Variants in PCNT observed in about 807,000 individuals in gnomAD.
PCNT encodes pericentrin, also known as kendrin.
Under a neutral mutation model 380.4 loss-of-function variants are expected in PCNT, and 319 were observed. The ratio of observed to expected loss-of-function variants is 0.84; its 90% CI spans 0.77 to 0.92. The LOEUF (loss-of-function observed/expected upper bound fraction) is 0.92. PCNT is among the 40% of genes least tolerant of loss of function. PCNT has a pLI of 0.00. For synonymous variants in PCNT, 1,845 were observed against 1,735.2 expected (o/e 1.06, Z -1.57); for missense variants, 4,400 against 4,255.3 (o/e 1.03, Z -0.95).
intron 14 of PCNT, among the ~76,000 whole-genome samples, chr21:46,365,320 G>C (rs2084864825): frequency 1.0e-5 from 1 of 98,800 alleles, no homozygotes; most frequent in African/African-American, 3.2e-5. Flanking sequence ...CACTGCCATG[G>C]GGTTCTATTC....
chr21:46,371,012 G>C (rs1045608212), intron 15 of PCNT, among the ~76,000 whole-genome samples: 2 of 152,026 alleles, frequency 1.3e-5, no homozygotes, highest in African/African-American at 4.8e-5. Context: ...TCCAGCCTGG[G>C]CGACAGAGCG....
rs758927283 is a variant in PCNT at position 46,431,769 on chromosome 21, G to A, written c.8305G>A (p.Glu2769Lys). Residue 2769 changes from glutamate to lysine, a missense_variant, in exon 38 of 47, where the codon GAG becomes AAG. Transcript: ENST00000359568. The part of the protein sequence containing the change: ...EALRHERLLT[E>K]QLSQRTQEAC... ...CTTGCGGCACGAGCGGCTCCTGACC[G>A]AGCAGCTGAGCCAGAGGACACAGGA... 15 of 1,612,710 alleles carry A rather than the reference G, an allele frequency of 9.3e-6. No homozygotes were observed. Among genetic ancestry groups the A allele is most frequent in the Non-Finnish European group, 7.6e-6 (9 of 1,179,990 alleles).
intron 27 of PCNT, among the ~76,000 whole-genome samples, chr21:46,410,543 T>TA (rs1602001682): frequency 6.6e-6 from 1 of 152,260 alleles, no homozygotes; most frequent in African/African-American, 2.4e-5. Flanking sequence ...ATTTTCCACT[T>TA]ACTGTTTTTA....
chr21:46,344,375 G>A (rs566490172), intron 3 of PCNT, among the ~76,000 whole-genome samples: 3 of 152,072 alleles, frequency 2.0e-5, no homozygotes, highest in Non-Finnish European at 2.9e-5. Context: ...CGCCCGGCCC[G>A]AGCTCCTGAC....
chr21:46,434,316 C>T (rs2839258), intron 38 of PCNT, among the ~76,000 whole-genome samples: 55,316 of 152,108 alleles, frequency 0.36, 10,706 homozygotes, highest in Middle Eastern at 0.5. Context: ...AGGGTAGAGT[C>T]TGAGCTGCAC....
chr21:46,399,785 G>A lies in PCNT; in HGVS notation c.4780G>A (p.Gly1594Arg), dbSNP rs763593028. ...GGAAAAACAGAAAAACATCGTGAAA[G>A]GGCTGGAACAGGTAAAGCGTCTCCA... ...EVEKQKNIVK[G>R]LEQDKEVLKK... Residue 1594 changes from glycine (G) to arginine (R), a missense_variant, in exon 25 of 47, where the codon GGG becomes AGG. Physicochemically the swap from Gly to Arg is moderately radical, Grantham distance 125. Coordinates refer to ENST00000359568, the MANE Select transcript of PCNT (RefSeq NM_006031.6). 1.1e-5 allele frequency: 18 copies of A among 1,613,864 alleles called. No individual in the cohort carries two copies. The South Asian group carries it at 1.8e-4, about 16-fold the overall frequency.
rs904352377 is a variant in PCNT, at chr21:46,411,979, G to A, written c.5906G>A (p.Arg1969His). 5.0e-6 allele frequency: 8 copies of A among 1,603,286 alleles called. No individual in the cohort carries two copies. The highest frequency in any genetic ancestry group is 2.2e-5 in the East Asian group (1 of 44,886). ...GTGCCCGGGGCCCACCCACAGCCTC[G>A]CATGGATGGTGGCGCCAAGGCCCAG... is the stretch of plus-strand genomic sequence containing the variant. ...TRVPGAHPQP[R>H]MDGGAKAQVT... Residue 1969 changes from arginine to histidine, a missense_variant, in exon 28 of 47, where the codon CGC (arginine) becomes CAC (histidine). By Grantham distance (29) the Arg-to-His change is conservative. Transcript: ENST00000359568.
chr21:46,326,524 G>A lies in PCNT; in HGVS notation c.202G>A (p.Asp68Asn), dbSNP rs1216804302. Residue 68 changes from aspartate to asparagine, a missense_variant, in exon 2 of 47, where the codon GAC becomes AAC. Asp to Asn is a conservative substitution (Grantham distance 23). Coordinates refer to ENST00000359568, the MANE Select transcript of PCNT (RefSeq NM_006031.6). ...KEDSALCGGG[D>N]ICKSTSCDDT... is the part of the protein sequence containing the mutation. ...GGACAGCGCACTCTGTGGAGGAGGG[G>A]ACATTTGCAAAAGCACATCATGTGA... is the stretch of plus-strand genomic sequence containing the variant. 7.4e-6 allele frequency: 12 copies of A among 1,614,184 alleles called. No homozygotes were observed. The highest frequency in any genetic ancestry group is 9.3e-6 in the Non-Finnish European group (11 of 1,180,034).
intron 27 of PCNT, among the ~76,000 whole-genome samples, chr21:46,407,783 G>T (rs9974521): frequency 6.6e-6 from 1 of 151,936 alleles, no homozygotes; most frequent in African/African-American, 2.4e-5. Flanking sequence ...TCTTGAGTCT[G>T]TCTAGCTAGT....
chr21:46,403,373 C>A (rs1011900715), intron 27 of PCNT, among the ~76,000 whole-genome samples: 5 of 125,442 alleles, frequency 4.0e-5, no homozygotes, highest in African/African-American at 1.3e-4. Flanking sequence ...ATGAACACAG[C>A]GTGGGAGAAT....
At chr21:46,433,281 G>A (rs1601193596) in intron 38 of PCNT, among the ~76,000 whole-genome samples, 1 of 152,244 alleles carries the variant, frequency 6.6e-6, no homozygotes, top group Non-Finnish European at 1.5e-5. Context: ...TATTCGGGAG[G>A]CTGGGGCAGG....
chr21:46,334,382 T>G lies in PCNT; in HGVS notation c.268-15T>G. The G allele has an allele frequency of 6.2e-7, 1 of 1,613,946 alleles. No homozygotes were observed. The highest frequency in any genetic ancestry group is 8.5e-7 in the Non-Finnish European group (1 of 1,179,956). Reference sequence around the variant, plus strand: ...CCTTGCTTTAAATGCTTCTTTCTGGTCCTCCCCTTCTTAGCCGGAGGACTG... The same window carrying G: ...CCTTGCTTTAAATGCTTCTTTCTGGGCCTCCCCTTCTTAGCCGGAGGACTG... On this transcript the variant is annotated splice_polypyrimidine_tract_variant and intron_variant, in intron 2 of 46. Transcript: ENST00000359568.
rs75183103 is a variant in PCNT at position 46,368,887 on chromosome 21, G to A, written c.3165+1748G>A. Among the ~76,000 whole-genome samples the A allele has an allele frequency of 4.6e-3, 696 of 152,378 alleles. 5 individuals are homozygous for A. Among genetic ancestry groups the A allele is most frequent in the Non-Finnish European group, 6.9e-3 (468 of 68,042 alleles). ...TTGCCAGCTTGGATAAGGTGGATAC[G>A]TTGATTTCCTGATACCAGCATGCCA... On this transcript the variant is annotated intron_variant, in intron 15 of 46. Transcript: ENST00000359568.
intron 16 of PCNT, among the ~76,000 whole-genome samples, chr21:46,384,712 C>T (rs897152671): frequency 2.0e-4 from 30 of 150,594 alleles, no homozygotes; most frequent in African/African-American, 4.9e-4. Context: ...GTGCGTTGAG[C>T]GGCGGAAACA....
intron 2 of PCNT, among the ~76,000 whole-genome samples, chr21:46,333,155 C>T (rs528442570): frequency 9.9e-5 from 15 of 151,884 alleles, no homozygotes; most frequent in African/African-American, 3.6e-4. Context: ...AATTCATGGC[C>T]GGGCGCAGTG....
rs940117508 is a variant in PCNT at position 46,441,038 on chromosome 21, T to C, written c.9577T>C (p.Phe3193Leu). 1 of 1,614,168 alleles carries C rather than the reference T, an allele frequency of 6.2e-7. No homozygotes were observed. Among genetic ancestry groups the C allele is most frequent in the East Asian group, 2.2e-5 (1 of 44,884 alleles). The change falls in exon 43 of 47, where the codon TTC (phenylalanine) becomes CTC (leucine). Residue 3193 changes from phenylalanine (F) to leucine (L), a missense_variant. Physicochemically the swap from Phe to Leu is conservative, Grantham distance 22. Transcript: ENST00000359568. ...KAERKITSRP[F>L]TRFRTAVRVV... Reference sequence around the variant, plus strand: ...AGAACGGAAAATCACATCTCGTCCTTTCACCAGGTTCCGCACGGCCGTCAG... The same window carrying C: ...AGAACGGAAAATCACATCTCGTCCTCTCACCAGGTTCCGCACGGCCGTCAG...
chr21:46,426,069 C>CTTTTTTTTCTT (rs1555996812), intron 33 of PCNT, 98 bp downstream of exon 33: 3 of 309,268 alleles, frequency 9.7e-6, no homozygotes, highest in East Asian at 6.8e-5. Flanking sequence ...GGATTTCTTT[C>CTTTTTTTTCTT]TTTTTTTTTT....
chr21:46,325,004 C>G (rs2083324600), intron 1 of PCNT: 2 of 984,688 alleles, frequency 2.0e-6, no homozygotes, highest in African/African-American at 1.7e-5. Flanking sequence ...GCCGGGAACC[C>G]ACGCGGCGCT....
rs1323856232 is a variant in PCNT, at chr21:46,349,053, A to G, written c.1074A>G (p.Leu358=). The change falls in exon 7 of 47, where the codon TTA becomes TTG. Residue 358 remains leucine (L), a synonymous_variant. Coordinates refer to ENST00000359568, the MANE Select transcript of PCNT (RefSeq NM_006031.6). Reference sequence around the variant, plus strand: ...GGGAATCTGAAAAAGATTTATGTTTAGAAAATCTACGCAAAGAACTGTCTG... The same window carrying G: ...GGGAATCTGAAAAAGATTTATGTTTGGAAAATCTACGCAAAGAACTGTCTG... ...EDWESEKDLC[L]ENLRKELSAK... 2 of 1,606,866 alleles carry G rather than the reference A, an allele frequency of 1.2e-6. No individual in the cohort carries two copies. Among genetic ancestry groups the G allele is most frequent in the African/African-American group, 1.3e-5 (1 of 74,908 alleles).
Sources: allele counts gnomAD v4.1 joint callset (sites outside exome capture counted in the v4.1 genomes callset), GRCh38; gene constraint gnomAD v4.1.1; transcripts MANE v1.5; gene names NCBI Gene and HGNC (gene_info 2026-07-23, HGNC 2026-07-21).